The following CCNJ variants were observed in gnomAD, a reference collection of about 807,000 sequenced individuals.
CCNJ encodes the protein cyclin-J.
Under a neutral mutation model 41.4 loss-of-function variants are expected in CCNJ, and 12 were observed. The ratio of observed to expected loss-of-function variants is 0.29; its 90% CI spans 0.19 to 0.47. The LOEUF (loss-of-function observed/expected upper bound fraction) is 0.47. Ranked by LOEUF, CCNJ falls within the 20% of genes least tolerant of loss-of-function variation. The probability of loss-of-function intolerance (pLI) is 1.00; values close to 1 mark genes in which losing one functional copy is unlikely to be tolerated. For missense variants in CCNJ, 340 were observed against 464.6 expected (o/e 0.73, Z 2.47); for synonymous variants, 161 against 173.4 (o/e 0.93, Z 0.56).
Position 96,057,990 on chromosome 10 carries a change from T to C in CCNJ, c.901T>C (p.Tyr301His), listed in dbSNP as rs2080740440. 6.2e-7 allele frequency: 1 copy of C among 1,614,008 alleles called. No individual in the cohort carries two copies. The highest frequency in any genetic ancestry group is 1.3e-5 in the African/African-American group (1 of 74,900). The change falls in exon 6 of 6, where the codon TAT becomes CAT. Residue 301 changes from tyrosine to histidine, a missense_variant. By Grantham distance (83) the Tyr-to-His change is moderately conservative. Transcript: ENST00000465148. Reference protein sequence around the residue: ...LHQTHQTSLQYRHPTSEQPSC... With the variant: ...LHQTHQTSLQHRHPTSEQPSC... ...TCAGACACATCAGACCTCACTGCAG[T>C]ATCGCCATCCTACGTCAGAACAACC...
chr10:96,053,516 A>G (rs944606579), intron 3 of CCNJ, among the ~76,000 whole-genome samples: 2 of 152,134 alleles, frequency 1.3e-5, no homozygotes, highest in South Asian at 4.1e-4. Context: ...TTGTCCAGGG[A>G]AGTTCTCCTA....
chr10:96,043,367 G>C (rs184732587), upstream of CCNJ: 2,978 of 347,020 alleles, frequency 8.6e-3, 24 homozygotes, highest in Middle Eastern at 0.012. Flanking sequence ...CAACCGAAGC[G>C]CCAGGCCAGC....
chr10:96,045,704 C>A (rs1205576877), intron 2 of CCNJ, among the ~76,000 whole-genome samples: 1 of 150,224 alleles, frequency 6.7e-6, no homozygotes, highest in Non-Finnish European at 1.5e-5. Flanking sequence ...TGGCAGATGT[C>A]ATCTTTCAAT....
Position 96,044,319 on chromosome 10 carries a change from C to G in CCNJ, c.-41-34C>G, listed in dbSNP as rs548838013. 1.4e-5 allele frequency: 17 copies of G among 1,235,192 alleles called. No individual in the cohort carries two copies. The African/African-American group carries it at 2.5e-4, about 18-fold the overall frequency. The allele number at this position is 1,235,192 out of a possible 1,614,324, so 76.5% of individuals were successfully genotyped here. A position where few individuals can be genotyped will look rare whatever the true frequency, so the allele number is the denominator to read the frequency against. On this transcript the variant is annotated intron_variant, in intron 1 of 5. Coordinates refer to ENST00000465148, the MANE Select transcript of CCNJ (RefSeq NM_001134375.2). ...GGGGGCGCAGAGGGTCGCGGGGGAGCCGGCAGTGACCGCGCCTGGGGTGTG... is the reference window on the plus strand; with the variant it reads ...GGGGGCGCAGAGGGTCGCGGGGGAGGCGGCAGTGACCGCGCCTGGGGTGTG...
intron 5 of CCNJ, among the ~76,000 whole-genome samples, 170 bp from the exon 6 acceptor site, chr10:96,057,660 C>T (rs1178409463): frequency 1.3e-5 from 2 of 152,140 alleles, no homozygotes; most frequent in Non-Finnish European, 2.9e-5. Flanking sequence ...AGGGAAATAG[C>T]TTTAGAAGAA....
At chr10:96,051,841 T>C (rs2080533111) in intron 3 of CCNJ, among the ~76,000 whole-genome samples, 1 of 152,220 alleles carries the variant, frequency 6.6e-6, no homozygotes, top group South Asian at 2.1e-4. Flanking sequence ...TTGTAAGTTA[T>C]TTCAGATCCA....
At chr10:96,048,585 GATTACTCCCCA>G (rs2080429798) in intron 2 of CCNJ, among the ~76,000 whole-genome samples, 1 of 152,138 alleles carries the variant, frequency 6.6e-6, no homozygotes, top group Admixed American at 6.5e-5. Flanking sequence ...CCCATTGAAC[GATTACTCCCCA>G]ATTTCCCACC....
chr10:96,050,626 A>C (rs1236839361), intron 3 of CCNJ, among the ~76,000 whole-genome samples, 160 bp downstream of exon 3: 1 of 152,224 alleles, frequency 6.6e-6, no homozygotes, highest in East Asian at 1.9e-4. Context: ...AATAATTCTT[A>C]ACCAGACATT....
intron 2 of CCNJ, among the ~76,000 whole-genome samples, chr10:96,049,042 C>T (rs1248291263): frequency 6.6e-6 from 1 of 152,212 alleles, no homozygotes; most frequent in Non-Finnish European, 1.5e-5. Context: ...ACCAGGAATG[C>T]ACAAGGATTC....
chr10:96,046,199 G>T (rs2080358587), intron 2 of CCNJ, among the ~76,000 whole-genome samples: 1 of 152,184 alleles, frequency 6.6e-6, no homozygotes, highest in Non-Finnish European at 1.5e-5. Flanking sequence ...ACTATCAGAG[G>T]ACAAGGTAGC....
intron 2 of CCNJ, among the ~76,000 whole-genome samples, chr10:96,045,996 T>C (rs1360482124): frequency 4.6e-5 from 7 of 152,244 alleles, no homozygotes; most frequent in Admixed American, 4.6e-4. Flanking sequence ...TTCCATACTT[T>C]TCAATCATTT....
intron 3 of CCNJ, among the ~76,000 whole-genome samples, chr10:96,051,804 T>G (rs1160717707): frequency 1.3e-5 from 2 of 152,220 alleles, no homozygotes; most frequent in African/African-American, 4.8e-5. Context: ...TGACCTCAAC[T>G]ACTTATTTTG....
intron 3 of CCNJ, among the ~76,000 whole-genome samples, chr10:96,052,025 T>C (rs1373234674): frequency 6.6e-6 from 1 of 152,208 alleles, no homozygotes; most frequent in Non-Finnish European, 1.5e-5. Context: ...TACCATTTAC[T>C]TCCTGAATAT....
At chr10:96,045,175 C>T (rs1216333687) in intron 2 of CCNJ, among the ~76,000 whole-genome samples, 1 of 152,168 alleles carries the variant, frequency 6.6e-6, no homozygotes, top group African/African-American at 2.4e-5. Flanking sequence ...AAAGCAAAGT[C>T]TGTGTATTGT....
chr10:96,045,579 A>G (rs1217788704), intron 2 of CCNJ, among the ~76,000 whole-genome samples: 1 of 152,200 alleles, frequency 6.6e-6, no homozygotes, highest in Non-Finnish European at 1.5e-5. Context: ...GCCCCCTAGG[A>G]GATGGTTTAT....
At chr10:96,043,466 G>A (rs1205678777), upstream of CCNJ, 11 of 385,148 alleles carry the variant, frequency 2.9e-5, no homozygotes, top group East Asian at 3.7e-5. Flanking sequence ...GGCCCGGCCC[G>A]GCCGCCAATT....
In CCNJ at chr10:96,050,368, G is replaced by A. The variant is rs1012998176; in HGVS notation, c.182G>A (p.Arg61His). The A allele has an allele frequency of 4.3e-6, 7 of 1,613,904 alleles. No individual in the cohort carries two copies. The East Asian group carries it at 8.9e-5, about 21-fold the overall frequency. ...CGCTTCACACTCTGCCCTTCTGCCC[G>A]CCATCTTGCTGTCTATTTACTGGAC... is the stretch of plus-strand genomic sequence containing the variant. ...SNRFTLCPSA[R>H]HLAVYLLDLF... Residue 61 changes from arginine (R) to histidine (H), a missense_variant, in exon 3 of 6, where the codon CGC becomes CAC. By Grantham distance (29) the Arg-to-His change is conservative. Transcript: ENST00000465148.
At chr10:96,051,290 T>G (rs778268927) in intron 3 of CCNJ, among the ~76,000 whole-genome samples, 1 of 152,212 alleles carries the variant, frequency 6.6e-6, no homozygotes, top group African/African-American at 2.4e-5. Context: ...TCGTTGGTAC[T>G]CTCACTGAAG....
chr10:96,044,431 C>T lies in CCNJ; in HGVS notation c.38C>T (p.Ala13Val). The T allele has an allele frequency of 6.4e-7, 1 of 1,561,618 alleles. No homozygotes were observed. ...GGGCAGTGGTGGCGAGGACAGCTGG[C>T]CGCCGATATTCACCAAGCGCTTCGC... ...LEGQWWRGQL[A>V]ADIHQALRYK... Residue 13 changes from alanine (A) to valine (V), a missense_variant, in exon 2 of 6, where the codon GCC becomes GTC. Around this residue, in one of 3 missense-constraint regions of CCNJ, gnomAD observed 44 missense variants for 43.6 expected, o/e 1.01. Coordinates refer to ENST00000465148, the MANE Select transcript of CCNJ (RefSeq NM_001134375.2).
Sources: gnomAD v4.1 joint callset for allele counts (sites outside exome capture counted in the v4.1 genomes callset) on GRCh38, gnomAD v4.1.1 for gene constraint, gnomAD v4.1.1 regional missense constraint, MANE v1.5 for transcripts, NCBI Gene and HGNC (gene_info 2026-07-23, HGNC 2026-07-21) for gene names.